Variants in MBD5 observed in about 807,000 individuals in gnomAD.
The protein encoded by MBD5 is methyl-CpG-binding domain protein 5.
In MBD5, 13 loss-of-function variants were observed where a neutral mutation model predicts 117.3. The observed-to-expected ratio is 0.11, with a 90% CI of 0.07 to 0.18. The LOEUF (loss-of-function observed/expected upper bound fraction) is 0.18, where lower values mean the gene tolerates loss of function less well. Ranked by LOEUF, MBD5 falls within the 10% of genes least tolerant of loss-of-function variation. The pLI is 1.00. For missense variants in MBD5, 1,879 were observed against 2,093.8 expected (o/e 0.90, Z 2.00); for synonymous variants, 727 against 766.4 (o/e 0.95, Z 0.85).
chr2:148,224,540 T>C lies in MBD5; in HGVS notation c.-830-8705T>C, dbSNP rs1252799255. On this transcript the variant is annotated intron_variant, in intron 2 of 13. Transcript: ENST00000642680. ...TTTTTTTTTTTTTTTTTTTTTTTTT[T>C]AGTAGAGACGAGGTTTCACCATGTT... is the stretch of plus-strand genomic sequence containing the variant. 3.8e-5 allele frequency among the ~76,000 whole-genome samples: 4 copies of C among 105,916 alleles called. No individual in the cohort carries two copies. In the East Asian group the frequency reaches 1.1e-3, roughly 29 times the overall value. The allele number at this position is 105,916 out of a possible 152,430, so 69.5% of individuals were successfully genotyped here. A position where few individuals can be genotyped will look rare whatever the true frequency, so the allele number is the denominator to read the frequency against.
At chr2:148,105,641 G>A (rs1696351643) in intron 1 of MBD5, among the ~76,000 whole-genome samples, 2 of 151,746 alleles carry the variant, frequency 1.3e-5, no homozygotes, top group African/African-American at 4.8e-5. Flanking sequence ...TTCAGGGCCC[G>A]CTTTTAGCTT....
At chr2:148,424,337 T>C (rs1437616760) in intron 4 of MBD5, among the ~76,000 whole-genome samples, 1 of 151,044 alleles carries the variant, frequency 6.6e-6, no homozygotes, top group Non-Finnish European at 1.5e-5. Flanking sequence ...GAGCTAATTA[T>C]CCTAAATATA....
chr2:148,118,277 GC>G (rs1229406886), intron 1 of MBD5, among the ~76,000 whole-genome samples: 1 of 152,052 alleles, frequency 6.6e-6, no homozygotes, highest in Admixed American at 6.6e-5. Flanking sequence ...GAATTAATTT[GC>G]CATATTAGCT....
At chr2:148,211,232 T>C (rs1699415232) in intron 2 of MBD5, among the ~76,000 whole-genome samples, 1 of 152,228 alleles carries the variant, frequency 6.6e-6, no homozygotes, top group East Asian at 1.9e-4. Context: ...CTGAAGGTTG[T>C]TCAAAGTTAG....
At chr2:148,331,303 T>C (rs534168371) in intron 3 of MBD5, among the ~76,000 whole-genome samples, 65 of 152,236 alleles carry the variant, frequency 4.3e-4, no homozygotes, top group Non-Finnish European at 8.1e-4. Context: ...GTTCAAGACT[T>C]ACAACAGCAG....
At chr2:148,051,290 C>A (rs781622639) in intron 1 of MBD5, among the ~76,000 whole-genome samples, 1 of 150,866 alleles carries the variant, frequency 6.6e-6, no homozygotes, top group Non-Finnish European at 1.5e-5. Flanking sequence ...TTTTTGCAGA[C>A]CTTATTAGCT....
At chr2:148,271,557 G>A (rs558793239) in intron 3 of MBD5, among the ~76,000 whole-genome samples, 1 of 152,048 alleles carries the variant, frequency 6.6e-6, no homozygotes, top group South Asian at 2.1e-4. Flanking sequence ...CCTCATTGTG[G>A]AGCTTTACTT....
At chr2:148,377,725 C>T (rs554412007) in intron 4 of MBD5, among the ~76,000 whole-genome samples, 2 of 152,288 alleles carry the variant, frequency 1.3e-5, no homozygotes, top group South Asian at 4.1e-4. Context: ...ACTCTGCTTC[C>T]TCCAATACTT....
chr2:148,459,119 AC>A (rs1487021158), intron 5 of MBD5, among the ~76,000 whole-genome samples: 1 of 152,150 alleles, frequency 6.6e-6, no homozygotes, highest in Non-Finnish European at 1.5e-5. Context: ...TCTAAAAGAA[AC>A]ATGCAATCAT....
At chr2:148,110,301 T>A (rs1473680209) in intron 1 of MBD5, among the ~76,000 whole-genome samples, 4 of 152,326 alleles carry the variant, frequency 2.6e-5, no homozygotes, top group Admixed American at 1.3e-4. Context: ...TCTTGATTTG[T>A]CTAAATCTTT....
intron 4 of MBD5, among the ~76,000 whole-genome samples, chr2:148,427,221 C>A (rs1199813150): frequency 2.0e-5 from 3 of 152,108 alleles, no homozygotes; most frequent in Non-Finnish European, 2.9e-5. Flanking sequence ...AAACTAGTTC[C>A]ACCATTGTGG....
intron 1 of MBD5, among the ~76,000 whole-genome samples, chr2:148,063,553 C>G (rs1439777366): frequency 6.7e-6 from 1 of 149,530 alleles, no homozygotes; most frequent in Non-Finnish European, 1.5e-5. Flanking sequence ...TCCAAGAAAA[C>G]TTTTTTTTTT....
intron 12 of MBD5, among the ~76,000 whole-genome samples, chr2:148,507,843 G>A (rs907036728): frequency 5.9e-5 from 9 of 151,714 alleles, no homozygotes; most frequent in Non-Finnish European, 1.2e-4. Context: ...AAATGTGAGA[G>A]AACCAAGGTT....
intron 3 of MBD5, among the ~76,000 whole-genome samples, chr2:148,242,562 T>C (rs1700237181): frequency 6.6e-6 from 1 of 152,170 alleles, no homozygotes; most frequent in African/African-American, 2.4e-5. Context: ...ACTGCAGTAT[T>C]TCTTTTCTAT....
intron 3 of MBD5, among the ~76,000 whole-genome samples, chr2:148,283,847 C>A (rs1701306920): frequency 6.6e-6 from 1 of 152,120 alleles, no homozygotes; most frequent in Non-Finnish European, 1.5e-5. Flanking sequence ...CTTTATAACC[C>A]CTTTCTTTCT....
intron 3 of MBD5, among the ~76,000 whole-genome samples, chr2:148,280,770 A>C (rs1264608001): frequency 6.6e-6 from 1 of 152,196 alleles, no homozygotes; most frequent in Non-Finnish European, 1.5e-5. Flanking sequence ...TATTTCAGCA[A>C]ACACATGTAG....
chr2:148,264,383 G>A (rs917588303), intron 3 of MBD5: 2 of 152,168 alleles, frequency 1.3e-5, no homozygotes, highest in African/African-American at 4.8e-5. Flanking sequence ...AGAGAGGTTA[G>A]GTCTGTTGTC....
intron 4 of MBD5, among the ~76,000 whole-genome samples, chr2:148,449,234 T>C (rs1354651560): frequency 6.6e-6 from 1 of 152,066 alleles, no homozygotes; most frequent in Non-Finnish European, 1.5e-5. Flanking sequence ...AAGGAAGTGT[T>C]GCATAGTATT....
At chr2:148,471,287 G>T (rs889823826) in intron 8 of MBD5, 27 of 152,082 alleles carry the variant, frequency 1.8e-4, no homozygotes, top group African/African-American at 6.3e-4. Context: ...TGTATTTTGT[G>T]CAATAGAGTC....
Sources: allele counts gnomAD v4.1 joint callset (sites outside exome capture counted in the v4.1 genomes callset), GRCh38; gene constraint gnomAD v4.1.1; transcripts MANE v1.5; gene names NCBI Gene and HGNC (gene_info 2026-07-23, HGNC 2026-07-21).